The following BAHCC1 variants were observed in gnomAD, a reference collection of about 807,000 sequenced individuals.
BAHCC1 encodes BAH and coiled-coil domain-containing protein 1.
A neutral mutation model predicts 88.2 loss-of-function variants in BAHCC1; 43 were observed. That is an observed-to-expected ratio of 0.49 (90% CI 0.38 to 0.63). The LOEUF (loss-of-function observed/expected upper bound fraction) is 0.63. BAHCC1 is among the 20% of genes least tolerant of loss of function. The pLI, the probability that BAHCC1 is intolerant of heterozygous loss-of-function variation, is 0.00. For missense variants in BAHCC1, 3,023 were observed against 1,654.8 expected (o/e 1.83, Z -14.34); for synonymous variants, 1,510 against 745.5 (o/e 2.03, Z -16.71).
chr17:81,398,204 G>T (rs879982863), intron 1 of BAHCC1, among the ~76,000 whole-genome samples: 2 of 152,230 alleles, frequency 1.3e-5, no homozygotes, highest in South Asian at 4.1e-4. Context: ...AGTAATATGT[G>T]AAGTGCGTCC....
intron 26 of BAHCC1, 48 bp downstream of exon 26, chr17:81,462,094 G>A (rs782579469): frequency 2.5e-5 from 17 of 690,700 alleles, no homozygotes; most frequent in Non-Finnish European, 4.0e-5. Context: ...CAAGGAAACC[G>A]GGGCGGGCTC....
chr17:81,438,062 T>C (rs1488891113), intron 3 of BAHCC1, among the ~76,000 whole-genome samples: 2 of 152,204 alleles, frequency 1.3e-5, no homozygotes, highest in East Asian at 1.9e-4. Flanking sequence ...GAGTCCCTTT[T>C]GTTGCCCAGC....
chr17:81,448,283 C>T (rs547462096), intron 11 of BAHCC1, among the ~76,000 whole-genome samples: 2 of 152,312 alleles, frequency 1.3e-5, no homozygotes, highest in East Asian at 3.9e-4. Context: ...CTCCCCGCTT[C>T]AGGCCCAGGG....
chr17:81,429,632 C>G (rs890166023), intron 3 of BAHCC1, among the ~76,000 whole-genome samples: 2 of 152,114 alleles, frequency 1.3e-5, no homozygotes, highest in African/African-American at 2.4e-5. Context: ...GCACGCGACT[C>G]GGCCGGAGAG....
chr17:81,426,578 A>C (rs2064202889), intron 2 of BAHCC1, among the ~76,000 whole-genome samples: 1 of 151,800 alleles, frequency 6.6e-6, no homozygotes, highest in Admixed American at 6.6e-5. Context: ...GTACCAGGAC[A>C]CCTGGGGCAC....
Position 81,444,876 on chromosome 17 carries a change from GA to G in BAHCC1, c.2671+51del, listed in dbSNP as rs549795951. The G allele has an allele frequency of 4.9e-4, 364 of 735,498 alleles. 1 individual carries two copies. Among genetic ancestry groups the G allele is most frequent in the African/African-American group, 3.7e-3 (214 of 57,736 alleles). 45.6% of individuals were successfully genotyped at this position (735,498 alleles called of 1,614,324 possible). On this transcript the variant is annotated intron_variant, in intron 8 of 27. Transcript: ENST00000675386. ...TGTACTTGGGGGGTGCTGTTGGAAGGAGGGGCAGCCGGGGGTGTGCTGGCCA... is the reference window on the plus strand; with the variant it reads ...TGTACTTGGGGGGTGCTGTTGGAAGGGGGGCAGCCGGGGGTGTGCTGGCCA...
At chr17:81,417,412 G>A (rs1029571995) in intron 2 of BAHCC1, among the ~76,000 whole-genome samples, 8 of 152,070 alleles carry the variant, frequency 5.3e-5, no homozygotes, top group Non-Finnish European at 8.8e-5. Context: ...AGAGACATGG[G>A]AGAAGGTGTG....
rs782786370 is a variant in BAHCC1 at position 81,458,356 on chromosome 17, C to G, written c.5233C>G (p.Leu1745Val). The change falls in exon 18 of 28, where the codon CTC (leucine) becomes GTC (valine). Residue 1745 changes from leucine to valine, a missense_variant. Coordinates refer to ENST00000675386, the MANE Select transcript of BAHCC1 (RefSeq NM_001377448.1). ...EPGATPSRDALFNPSRAFACR... is the reference protein window; with the variant it reads ...EPGATPSRDAVFNPSRAFACR... ...GGGGGCCACCCCCAGCAGGGACGCC[C>G]TCTTCAACCCCTCTCGGGCCTTCGC... The G allele has an allele frequency of 2.7e-6, 2 of 730,104 alleles. No homozygotes were observed. The highest frequency in any genetic ancestry group is 5.1e-6 in the Non-Finnish European group (2 of 395,366). The allele number at this position is 730,104 out of a possible 1,614,324, so 45.2% of individuals were successfully genotyped here. A position where few individuals can be genotyped will look rare whatever the true frequency, so the allele number is the denominator to read the frequency against.
intron 3 of BAHCC1, among the ~76,000 whole-genome samples, chr17:81,436,420 G>A (rs1268106476): frequency 6.6e-6 from 1 of 152,242 alleles, no homozygotes; most frequent in South Asian, 2.1e-4. Context: ...CTGGAGGGGG[G>A]ACCGGGGCTC....
At chr17:81,455,230 C>T in intron 14 of BAHCC1, 37 bp from the exon 15 acceptor site, 1 of 707,058 alleles carries the variant, frequency 1.4e-6, no homozygotes, top group Non-Finnish European at 2.6e-6. Flanking sequence ...GCGGCCGGGC[C>T]TGCATCTGCC....
In BAHCC1 at chr17:81,444,368, C is replaced by G. The variant is rs2064481335; in HGVS notation, c.2325-13C>G. 2 of 728,276 alleles carry G rather than the reference C, an allele frequency of 2.7e-6. No homozygotes were observed. The highest frequency in any genetic ancestry group is 5.1e-6 in the Non-Finnish European group (2 of 393,664). 45.1% of individuals were successfully genotyped at this position (728,276 alleles called of 1,614,324 possible). On this transcript the variant is annotated splice_polypyrimidine_tract_variant and intron_variant, in intron 6 of 27. Coordinates refer to ENST00000675386, the MANE Select transcript of BAHCC1 (RefSeq NM_001377448.1). The stretch of plus-strand genomic sequence containing the variant: ...TTGGCGCCGGCGGCAGGGCTGAGCC[C>G]CAGGTCTTACAGGGACAGCAAAGAC...
At chr17:81,440,170 C>A (rs1214317547) in intron 4 of BAHCC1, among the ~76,000 whole-genome samples, 2 of 152,212 alleles carry the variant, frequency 1.3e-5, no homozygotes, top group African/African-American at 2.4e-5. Context: ...GACAGCCCCG[C>A]AGGCCCCGTT....
intron 11 of BAHCC1, among the ~76,000 whole-genome samples, chr17:81,450,935 C>A: frequency 6.6e-6 from 1 of 152,184 alleles, no homozygotes; most frequent in East Asian, 1.9e-4. Flanking sequence ...GGGGACTTGT[C>A]CCCTCCCTCT....
At chr17:81,403,806 G>A (rs2063846186) in intron 2 of BAHCC1, among the ~76,000 whole-genome samples, 1 of 152,180 alleles carries the variant, frequency 6.6e-6, no homozygotes, top group Admixed American at 6.5e-5. Flanking sequence ...GGAGCTACGG[G>A]AATCCGGGAA....
In BAHCC1 at chr17:81,422,631, C is replaced by T. The variant is rs9897151; in HGVS notation, c.179-4169C>T. The stretch of plus-strand genomic sequence containing the variant: ...GCAGCACAGCAGGGTCCCCCAAGTC[C>T]GGAGACAGGCTGGTTGCCCACTGAG... On this transcript the variant is annotated intron_variant, in intron 2 of 27. Transcript: ENST00000675386. Among the ~76,000 whole-genome samples, 449 of 152,262 alleles carry T rather than the reference C, an allele frequency of 2.9e-3. 3 individuals are homozygous for T. Among genetic ancestry groups the T allele is most frequent in the African/African-American group, 0.01 (425 of 41,554 alleles).
chr17:81,403,420 C>T (rs2063840596), intron 2 of BAHCC1, among the ~76,000 whole-genome samples: 1 of 151,612 alleles, frequency 6.6e-6, no homozygotes, highest in African/African-American at 2.4e-5. Flanking sequence ...AAGGCTCCTT[C>T]TGGTGGGAGA....
At chr17:81,449,274 C>T (rs910206299) in intron 11 of BAHCC1, among the ~76,000 whole-genome samples, 2 of 152,152 alleles carry the variant, frequency 1.3e-5, no homozygotes, top group Admixed American at 6.5e-5. Context: ...TCATGGTCCC[C>T]CCCTGGGCCC....
At chr17:81,426,079 T>A (rs2064192619) in intron 2 of BAHCC1, among the ~76,000 whole-genome samples, 1 of 150,938 alleles carries the variant, frequency 6.6e-6, no homozygotes, top group Non-Finnish European at 1.5e-5. Context: ...TGGTTGGTGG[T>A]GATGTGGTTG....
In BAHCC1 at chr17:81,411,260, CTTCTCGGCAGCTCCCA is replaced by C; in HGVS notation, c.178+11344_178+11359del. 2.1e-6 allele frequency: 1 copy of C among 485,928 alleles called. No homozygotes were observed. The highest frequency in any genetic ancestry group is 4.1e-6 in the Non-Finnish European group (1 of 244,032). The allele number at this position is 485,928 out of a possible 1,614,324, so 30.1% of individuals were successfully genotyped here. A position where few individuals can be genotyped will look rare whatever the true frequency, so the allele number is the denominator to read the frequency against. On this transcript the variant is annotated intron_variant, in intron 2 of 27. Transcript: ENST00000675386. This position sits in a 1 kb window ranked among gnomAD's most constrained non-coding sequence, Gnocchi z 6.2. ...CGCCACCCCCAGTTGAGCAGCTCCC[CTTCTCGGCAGCTCCCA>C]AACCCTGACCCCAGACAGGCAGCAG...
Sources: gnomAD v4.1 joint callset for allele counts (sites outside exome capture counted in the v4.1 genomes callset) on GRCh38, gnomAD v4.1.1 for gene constraint, Gnocchi (gnomAD v3.1) non-coding constraint, MANE v1.5 for transcripts, NCBI Gene and HGNC (gene_info 2026-07-23, HGNC 2026-07-21) for gene names.